The following PCSK5 variants were observed in gnomAD, a reference collection of about 807,000 sequenced individuals.
The protein encoded by PCSK5 is prohormone convertase 5.
Under a neutral mutation model 233.2 loss-of-function variants are expected in PCSK5, and 129 were observed. The ratio of observed to expected loss-of-function variants is 0.55; its 90% CI spans 0.48 to 0.64. The LOEUF is 0.64. Ranked by LOEUF, PCSK5 falls within the 30% of genes least tolerant of loss-of-function variation. The probability of loss-of-function intolerance (pLI) is 0.00; values close to 1 mark genes in which losing one functional copy is unlikely to be tolerated. For missense variants in PCSK5, 2,076 were observed against 2,430.1 expected, an observed-to-expected ratio of 0.85 and a Z score of 3.06; for synonymous variants, 825 against 879.2, an observed-to-expected ratio of 0.94 and a Z score of 1.09.
chr9:76,031,312 C>G (rs1209599457), intron 5 of PCSK5, among the ~76,000 whole-genome samples: 3 of 152,126 alleles, frequency 2.0e-5, no homozygotes, highest in African/African-American at 7.2e-5. Flanking sequence ...AGCCTTGGCT[C>G]TCCTTGATTA....
At chr9:76,064,510 A>G (rs1297920736) in intron 5 of PCSK5, among the ~76,000 whole-genome samples, 1 of 139,268 alleles carries the variant, frequency 7.2e-6, no homozygotes, top group African/African-American at 2.8e-5. Context: ...CGGGGGGCTG[A>G]ACCCCCCCAA....
intron 5 of PCSK5, among the ~76,000 whole-genome samples, chr9:76,057,453 A>G (rs1193189323): frequency 6.6e-6 from 1 of 152,210 alleles, no homozygotes; most frequent in Non-Finnish European, 1.5e-5. Context: ...AATGTAATTG[A>G]GCTAACCATT....
intron 24 of PCSK5, among the ~76,000 whole-genome samples, chr9:76,241,716 G>C (rs1165490993): frequency 3.3e-5 from 5 of 152,142 alleles, no homozygotes; most frequent in Admixed American, 6.5e-5. Flanking sequence ...TGAATTCCAG[G>C]ATTGTTTCTT....
chr9:76,289,517 TACACACACACACACAC>T (rs138282168), intron 24 of PCSK5, among the ~76,000 whole-genome samples: 2 of 119,356 alleles, frequency 1.7e-5, no homozygotes, highest in African/African-American at 3.2e-5. Context: ...ACACGCAACA[TACACACACACACACAC>T]ACACACACAC....
chr9:76,349,581 T>C (rs1830066993), intron 35 of PCSK5, among the ~76,000 whole-genome samples: 1 of 152,222 alleles, frequency 6.6e-6, no homozygotes, highest in African/African-American at 2.4e-5. Context: ...AGTTCAGCCA[T>C]GAAACGTCAA....
intron 20 of PCSK5, among the ~76,000 whole-genome samples, chr9:76,208,124 A>T (rs1425576089): frequency 6.6e-6 from 1 of 152,206 alleles, no homozygotes; most frequent in Non-Finnish European, 1.5e-5. Context: ...TTATGAAGGC[A>T]GAGCCCCCAT....
chr9:76,315,718 T>A (rs1194165881), intron 30 of PCSK5, among the ~76,000 whole-genome samples: 3 of 150,522 alleles, frequency 2.0e-5, no homozygotes, highest in African/African-American at 7.3e-5. Context: ...CTGCAATTTC[T>A]GCCTCCCAGG....
chr9:76,159,697 A>G (rs1822763664), intron 12 of PCSK5, among the ~76,000 whole-genome samples: 1 of 152,118 alleles, frequency 6.6e-6, no homozygotes. Flanking sequence ...CCTAGACAAT[A>G]TAAATGAATA....
chr9:76,342,155 A>G (rs1326961051), intron 35 of PCSK5, among the ~76,000 whole-genome samples: 3 of 152,034 alleles, frequency 2.0e-5, no homozygotes, highest in Admixed American at 6.6e-5. Context: ...CTATAATTTC[A>G]TTATGTTTAA....
intron 9 of PCSK5, among the ~76,000 whole-genome samples, chr9:76,133,637 T>C (rs1392882185): frequency 6.6e-6 from 1 of 152,066 alleles, no homozygotes; most frequent in Non-Finnish European, 1.5e-5. Context: ...TATATATGCA[T>C]AGAAGGTTAA....
chr9:75,929,018 C>T (rs1220430120), intron 1 of PCSK5, among the ~76,000 whole-genome samples: 1 of 152,040 alleles, frequency 6.6e-6, no homozygotes, highest in Non-Finnish European at 1.5e-5. Flanking sequence ...CCACTGCAAC[C>T]TCCGCCTCCC....
At chr9:76,050,175 A>C (rs1045005532) in intron 5 of PCSK5, among the ~76,000 whole-genome samples, 2 of 152,194 alleles carry the variant, frequency 1.3e-5, no homozygotes, top group Non-Finnish European at 2.9e-5. Context: ...AAGTAGTCTC[A>C]TTAGGTGTAG....
rs567490475 is a variant in PCSK5, at chr9:76,310,772, G to T, written c.3805G>T (p.Asp1269Tyr). 3.1e-6 allele frequency: 5 copies of T among 1,612,012 alleles called. No individual in the cohort carries two copies. The African/African-American group carries it at 5.3e-5, about 17-fold the overall frequency. The change falls in exon 30 of 38, where the codon GAT becomes TAT. Residue 1269 changes from aspartate to tyrosine, a missense_variant. Physicochemically the swap from Asp to Tyr is radical, Grantham distance 160. Transcript: ENST00000674117. ...GGCCTGTGCCATCTGCTCTGGAGCCGATCTTTGCAAAAAATGCCAGATGCA... is the reference window on the plus strand; with the variant it reads ...GGCCTGTGCCATCTGCTCTGGAGCCTATCTTTGCAAAAAATGCCAGATGCA... The part of the protein sequence containing the change: ...TEACAICSGA[D>Y]LCKKCQMQPG...
At chr9:76,012,824 T>C (rs1024618175) in intron 3 of PCSK5, among the ~76,000 whole-genome samples, 2 of 152,228 alleles carry the variant, frequency 1.3e-5, no homozygotes, top group Admixed American at 6.5e-5. Context: ...ACCCTACCTC[T>C]TCTGATATGG....
At chr9:76,089,651 C>G (rs987566269) in intron 7 of PCSK5, among the ~76,000 whole-genome samples, 15 of 152,132 alleles carry the variant, frequency 9.9e-5, no homozygotes, top group South Asian at 2.1e-4. Flanking sequence ...AGGTCATTTA[C>G]TCATGGCCTT....
At chr9:76,002,710 C>T (rs1827312370) in intron 3 of PCSK5, among the ~76,000 whole-genome samples, 1 of 152,030 alleles carries the variant, frequency 6.6e-6, no homozygotes, top group Non-Finnish European at 1.5e-5. Context: ...TCCAAACTGG[C>T]GGAAGGGAAA....
intron 7 of PCSK5, among the ~76,000 whole-genome samples, chr9:76,080,489 A>G (rs1830796067): frequency 6.6e-6 from 1 of 152,228 alleles, no homozygotes; most frequent in East Asian, 1.9e-4. Flanking sequence ...GAGTGAATGA[A>G]TTTATAAATG....
At chr9:76,230,455 A>G (rs572052271) in intron 21 of PCSK5, among the ~76,000 whole-genome samples, 1 of 152,316 alleles carries the variant, frequency 6.6e-6, no homozygotes, top group Admixed American at 6.5e-5. Flanking sequence ...AATGGTTCCC[A>G]TTAATGGGAG....
At chr9:76,217,920 C>T (rs1051197753) in intron 20 of PCSK5, among the ~76,000 whole-genome samples, 1 of 152,168 alleles carries the variant, frequency 6.6e-6, no homozygotes, top group Admixed American at 6.5e-5. Flanking sequence ...TCCATACAAA[C>T]GCCGCTGCCC....
Sources: gnomAD v4.1 joint callset for allele counts (sites outside exome capture counted in the v4.1 genomes callset) on GRCh38, gnomAD v4.1.1 for gene constraint, MANE v1.5 for transcripts, NCBI Gene and HGNC (gene_info 2026-07-23, HGNC 2026-07-21) for gene names.